COG3: variants seen among roughly 807,000 people sequenced by gnomAD.
COG3 encodes component of oligomeric golgi complex 3.
In COG3, 32 loss-of-function variants were observed where a neutral mutation model predicts 114.1. The ratio of observed to expected loss-of-function variants is 0.28; its 90% CI spans 0.21 to 0.38. COG3 has a LOEUF of 0.38. COG3 is among the 10% of genes least tolerant of loss of function. The probability of loss-of-function intolerance (pLI) is 1.00; values close to 1 mark genes in which losing one functional copy is unlikely to be tolerated. For missense variants in COG3, 813 were observed against 973.2 expected, an observed-to-expected ratio of 0.84 and a Z score of 2.19; for synonymous variants, 352 against 365.7, an observed-to-expected ratio of 0.96 and a Z score of 0.43.
chr13:45,467,815 A>T (rs1885242586), intron 1 of COG3, among the ~76,000 whole-genome samples: 1 of 152,178 alleles, frequency 6.6e-6, no homozygotes, highest in South Asian at 2.1e-4. Flanking sequence ...AATCAGTATA[A>T]CTCAAGGATT....
chr13:45,496,375 AT>A (rs565656394), intron 13 of COG3, 63 bp downstream of exon 13: 1 of 1,221,850 alleles, frequency 8.2e-7, no homozygotes, highest in Non-Finnish European at 1.0e-6. Flanking sequence ...TTTATTTATT[AT>A]TTTTTTAAAA....
At chr13:45,499,068 G>T (rs1367319889) in intron 13 of COG3, among the ~76,000 whole-genome samples, 3 of 152,042 alleles carry the variant, frequency 2.0e-5, no homozygotes, top group African/African-American at 7.2e-5. Context: ...CTCATTTCTA[G>T]TGGTGGATTA....
intron 1 of COG3, chr13:45,466,514 T>G (rs1180298012): frequency 6.6e-6 from 1 of 152,238 alleles, no homozygotes; most frequent in South Asian, 2.1e-4. Flanking sequence ...TTTCCACCTC[T>G]AGGATATGGT....
intron 14 of COG3, among the ~76,000 whole-genome samples, chr13:45,505,527 A>T (rs905529800): frequency 2.0e-5 from 3 of 151,716 alleles, no homozygotes; most frequent in African/African-American, 7.3e-5. Flanking sequence ...CTGGTCTCGA[A>T]CTCCTGACCT....
chr13:45,503,224 C>T lies in COG3; in HGVS notation c.1489-20C>T, dbSNP rs1566258906. The T allele has an allele frequency of 4.1e-6, 5 of 1,218,318 alleles. No homozygotes were observed. The highest frequency in any genetic ancestry group is 4.9e-6 in the Non-Finnish European group (4 of 819,994). The allele number at this position is 1,218,318 out of a possible 1,614,324, so 75.5% of individuals were successfully genotyped here. A position where few individuals can be genotyped will look rare whatever the true frequency, so the allele number is the denominator to read the frequency against. On this transcript the variant is annotated intron_variant, in intron 13 of 22. Transcript: ENST00000349995. ...AACACTGCTGAAAACGGTAACATTCCTTCTGATTTCTTTATACAGCAGATT... is the reference window on the plus strand; with the variant it reads ...AACACTGCTGAAAACGGTAACATTCTTTCTGATTTCTTTATACAGCAGATT...
chr13:45,481,149 C>A, intron 4 of COG3, 81 bp from the exon 5 acceptor site: 1 of 752,046 alleles, frequency 1.3e-6, no homozygotes, highest in Non-Finnish European at 2.3e-6. Flanking sequence ...TAATGTAAAT[C>A]TGTTTAGTGT....
At chr13:45,532,285 C>T (rs1873220880) in intron 22 of COG3, among the ~76,000 whole-genome samples, 1 of 152,122 alleles carries the variant, frequency 6.6e-6, no homozygotes, top group Non-Finnish European at 1.5e-5. Flanking sequence ...AGTCAAAATA[C>T]TTCCAAATAA....
intron 3 of COG3, 43 bp downstream of exon 3, chr13:45,479,109 A>T: frequency 1.5e-6 from 2 of 1,348,424 alleles, no homozygotes; most frequent in Non-Finnish European, 2.1e-6. Flanking sequence ...TAATTTTTAG[A>T]TCACAGTCAT....
intron 13 of COG3, among the ~76,000 whole-genome samples, chr13:45,501,265 T>C (rs548762676): frequency 8.5e-5 from 13 of 152,374 alleles, no homozygotes; most frequent in African/African-American, 3.1e-4. Context: ...GGAACTTCTC[T>C]GTAAGGGAGA....
Position 45,525,471 on chromosome 13 carries a change from T to C in COG3, c.2230+420T>C, listed in dbSNP as rs574466142. 1.6e-4 allele frequency among the ~76,000 whole-genome samples: 24 copies of C among 152,168 alleles called. No homozygotes were observed. The East Asian group carries it at 4.4e-3, about 28-fold the overall frequency. On this transcript the variant is annotated intron_variant, in intron 20 of 22. Transcript: ENST00000349995. Reference sequence around the variant, plus strand: ...TTTGTTCCACATTTTGTCCAAGTTATCCTCTGTTGACATTTTAGAGTATTG... The same window carrying C: ...TTTGTTCCACATTTTGTCCAAGTTACCCTCTGTTGACATTTTAGAGTATTG...
chr13:45,480,382 A>C (rs1886175718), intron 4 of COG3, 92 bp downstream of exon 4: 1 of 932,432 alleles, frequency 1.1e-6, no homozygotes, highest in African/African-American at 1.7e-5. Flanking sequence ...AATTTCTCCA[A>C]GATGTTCAAC....
At chr13:45,475,972 A>G in intron 1 of COG3, among the ~76,000 whole-genome samples, 1 of 152,138 alleles carries the variant, frequency 6.6e-6, no homozygotes, top group Non-Finnish European at 1.5e-5. Context: ...ACCAAAAAAA[A>G]AAAAAAAGCT....
At chr13:45,517,206 T>C (rs1871625665) in intron 17 of COG3, among the ~76,000 whole-genome samples, 1 of 152,202 alleles carries the variant, frequency 6.6e-6, no homozygotes, top group South Asian at 2.1e-4. Flanking sequence ...TTCTCTCTAA[T>C]GTTTTGGGGC....
At chr13:45,528,769 C>G (rs1195586426) in intron 20 of COG3, among the ~76,000 whole-genome samples, 1 of 152,190 alleles carries the variant, frequency 6.6e-6, no homozygotes, top group African/African-American at 2.4e-5. Flanking sequence ...TCGAATACAT[C>G]ACTATAGCAT....
intron 14 of COG3, among the ~76,000 whole-genome samples, chr13:45,503,860 G>C (rs1043841189): frequency 6.6e-6 from 1 of 152,116 alleles, no homozygotes; most frequent in Non-Finnish European, 1.5e-5. Flanking sequence ...TGGACTTCTA[G>C]CTGGCATAGT....
intron 22 of COG3, 83 bp from the exon 23 acceptor site, chr13:45,534,619 T>C: frequency 1.0e-6 from 1 of 994,198 alleles, no homozygotes; most frequent in East Asian, 2.9e-5. Flanking sequence ...TTTTCAACCC[T>C]TGTGGTTCCC....
At chr13:45,490,791 A>C in intron 8 of COG3, 124 bp from the exon 9 acceptor site, 1 of 472,986 alleles carries the variant, frequency 2.1e-6, no homozygotes, top group Non-Finnish European at 3.6e-6. Flanking sequence ...AGTGATTTTT[A>C]TGATTTTTAA....
chr13:45,469,912 C>T (rs994831370), intron 1 of COG3, among the ~76,000 whole-genome samples: 1 of 152,116 alleles, frequency 6.6e-6, no homozygotes. Context: ...TACAGTTCTT[C>T]ATTTTACCCT....
rs369621149 is a variant in COG3, at chr13:45,510,121, A to G, written c.1719+305A>G. 1.1e-4 allele frequency among the ~76,000 whole-genome samples: 17 copies of G among 150,774 alleles called. No individual in the cohort carries two copies. The East Asian group carries it at 1.2e-3, about 10-fold the overall frequency. ...TGACTGCATTTAGAGCAATGATTAAATACAGCAGTCATGTAATGAATTGTC... is the reference window on the plus strand; with the variant it reads ...TGACTGCATTTAGAGCAATGATTAAGTACAGCAGTCATGTAATGAATTGTC... On this transcript the variant is annotated intron_variant, in intron 15 of 22. Coordinates refer to ENST00000349995, the MANE Select transcript of COG3 (RefSeq NM_031431.4).
Sources: allele counts gnomAD v4.1 joint callset (sites outside exome capture counted in the v4.1 genomes callset), GRCh38; gene constraint gnomAD v4.1.1; transcripts MANE v1.5; gene names NCBI Gene and HGNC (gene_info 2026-07-23, HGNC 2026-07-21).